The following TCERG1L variants were observed in gnomAD, a reference collection of about 807,000 sequenced individuals.
The protein encoded by TCERG1L is transcription elongation regulator 1 like.
Under a neutral mutation model 56.3 loss-of-function variants are expected in TCERG1L, and 37 were observed. The ratio of observed to expected loss-of-function variants is 0.66; its 90% CI spans 0.51 to 0.87. The LOEUF (loss-of-function observed/expected upper bound fraction) is 0.87, where lower values mean the gene tolerates loss of function less well. TCERG1L is among the 40% of genes least tolerant of loss of function. TCERG1L has a pLI of 0.00. For missense variants in TCERG1L, 799 were observed against 774.2 expected (o/e 1.03, Z -0.38); for synonymous variants, 324 against 326.3 (o/e 0.99, Z 0.08).
chr10:131,269,773 C>G (rs1846320121), intron 3 of TCERG1L, among the ~76,000 whole-genome samples: 1 of 152,206 alleles, frequency 6.6e-6, no homozygotes, highest in South Asian at 2.1e-4. Context: ...TGAGCACACG[C>G]TGCTGGGAAA....
intron 3 of TCERG1L, among the ~76,000 whole-genome samples, chr10:131,291,300 C>T (rs1846618381): frequency 6.7e-6 from 1 of 148,216 alleles, no homozygotes; most frequent in African/African-American, 2.5e-5. Flanking sequence ...AATTTTAATC[C>T]CATATATTTC....
chr10:131,175,520 G>A (rs1481096534), intron 4 of TCERG1L, among the ~76,000 whole-genome samples: 5 of 152,254 alleles, frequency 3.3e-5, no homozygotes, highest in African/African-American at 1.2e-4. Context: ...TCTGCCCCAG[G>A]AGGGAGCCAC....
intron 6 of TCERG1L, among the ~76,000 whole-genome samples, chr10:131,154,154 C>T (rs1208832947): frequency 6.6e-6 from 1 of 152,190 alleles, no homozygotes; most frequent in Non-Finnish European, 1.5e-5. Flanking sequence ...TAACTGTCCC[C>T]ATATCCCAGA....
intron 3 of TCERG1L, among the ~76,000 whole-genome samples, chr10:131,302,338 GT>G (rs201264732): frequency 0.012 from 1,521 of 128,426 alleles, 43 homozygotes; most frequent in African/African-American, 0.041. Flanking sequence ...TTGTTTTTTT[GT>G]TTTTTTTTTT....
intron 8 of TCERG1L, 42 bp from the exon 9 acceptor site, chr10:131,116,976 AC>A: frequency 6.3e-7 from 1 of 1,577,094 alleles, no homozygotes; most frequent in South Asian, 1.2e-5. Context: ...ACTCGTGGGG[AC>A]CCAGCTGGTT....
At chr10:131,198,714 G>A (rs1845393685) in intron 4 of TCERG1L, among the ~76,000 whole-genome samples, 1 of 152,194 alleles carries the variant, frequency 6.6e-6, no homozygotes, top group South Asian at 2.1e-4. Context: ...GTCTTTGTGG[G>A]GAGCCCTGCT....
intron 6 of TCERG1L, among the ~76,000 whole-genome samples, chr10:131,156,804 C>G (rs1056337373): frequency 6.6e-6 from 1 of 152,134 alleles, no homozygotes; most frequent in East Asian, 1.9e-4. Flanking sequence ...CACGTGCACC[C>G]CCTTAGAGTT....
intron 4 of TCERG1L, among the ~76,000 whole-genome samples, chr10:131,216,595 T>C (rs139916135): frequency 1.3e-5 from 2 of 152,222 alleles, no homozygotes; most frequent in Non-Finnish European, 2.9e-5. Context: ...TGAAACTCAA[T>C]AACTACCATT....
intron 8 of TCERG1L, among the ~76,000 whole-genome samples, chr10:131,127,223 G>A (rs768451965): frequency 6.6e-6 from 1 of 152,186 alleles, no homozygotes; most frequent in East Asian, 1.9e-4. Flanking sequence ...CAGAACAAAA[G>A]GCCCATAGAC....
intron 4 of TCERG1L, among the ~76,000 whole-genome samples, chr10:131,210,955 C>T (rs74477959): frequency 6.6e-6 from 1 of 152,140 alleles, no homozygotes; most frequent in Non-Finnish European, 1.5e-5. Context: ...AAGATTTACA[C>T]CTTCCACGAG....
chr10:131,230,902 A>G (rs1845842943), intron 4 of TCERG1L, among the ~76,000 whole-genome samples: 1 of 151,998 alleles, frequency 6.6e-6, no homozygotes, highest in Admixed American at 6.5e-5. Flanking sequence ...GCCAGCACAA[A>G]GGGGCCTCTG....
chr10:131,184,767 A>C lies in TCERG1L; in HGVS notation c.857-17882T>G, dbSNP rs143300450. On this transcript the variant is annotated intron_variant, in intron 4 of 11. Coordinates refer to ENST00000368642, the MANE Select transcript of TCERG1L (RefSeq NM_174937.4). ...GGCAGCAACAGGTGCACAAGTGTCC[A>C]TCAGCCTCTCGCCTCACAGAGGAGG... 4.8e-4 allele frequency among the ~76,000 whole-genome samples: 73 copies of C among 152,340 alleles called. No homozygotes were observed. The Middle Eastern group carries it at 0.01, about 21-fold the overall frequency.
intron 4 of TCERG1L, among the ~76,000 whole-genome samples, chr10:131,213,883 A>G (rs10765056): frequency 0.59 from 90,472 of 152,070 alleles, 27,299 homozygotes; most frequent in East Asian, 0.71. Context: ...GCCCAGCAGG[A>G]AACCCTGTGT....
chr10:131,290,975 G>A (rs1187528879), intron 3 of TCERG1L, among the ~76,000 whole-genome samples: 3 of 152,162 alleles, frequency 2.0e-5, no homozygotes, highest in African/African-American at 4.8e-5. Context: ...CACACAGCAC[G>A]AGAAAGAATT....
At chr10:131,296,423 T>C (rs943767397) in intron 3 of TCERG1L, among the ~76,000 whole-genome samples, 2 of 152,236 alleles carry the variant, frequency 1.3e-5, no homozygotes, top group Non-Finnish European at 2.9e-5. Flanking sequence ...TAAAAATCAA[T>C]TGGCCATACG....
At chr10:131,124,050 A>G (rs1449071223) in intron 8 of TCERG1L, among the ~76,000 whole-genome samples, 3 of 152,102 alleles carry the variant, frequency 2.0e-5, no homozygotes, top group African/African-American at 2.4e-5. Context: ...AGAGTGGGGG[A>G]CACTTTTCTG....
chr10:131,243,023 TGAA>T (rs1186069736), intron 4 of TCERG1L, among the ~76,000 whole-genome samples: 1 of 152,200 alleles, frequency 6.6e-6, no homozygotes, highest in East Asian at 1.9e-4. Flanking sequence ...ATCATGTTAC[TGAA>T]GAAGAATGAG....
At chr10:131,275,132 G>A (rs940826981) in intron 3 of TCERG1L, among the ~76,000 whole-genome samples, 1 of 152,164 alleles carries the variant, frequency 6.6e-6, no homozygotes, top group East Asian at 1.9e-4. Flanking sequence ...ACAGTGCCTG[G>A]CAGCCGGGCC....
At chr10:131,180,909 C>A (rs564608973) in intron 4 of TCERG1L, among the ~76,000 whole-genome samples, 1 of 152,270 alleles carries the variant, frequency 6.6e-6, no homozygotes. Context: ...CGCTTCCCAT[C>A]GCTGACTGCA....
Sources: allele counts gnomAD v4.1 joint callset (sites outside exome capture counted in the v4.1 genomes callset), GRCh38; gene constraint gnomAD v4.1.1; transcripts MANE v1.5; gene names NCBI Gene and HGNC (gene_info 2026-07-23, HGNC 2026-07-21).